LAMA2: variants seen among roughly 807,000 people sequenced by gnomAD.
LAMA2 encodes laminin subunit alpha-2.
In LAMA2, 269 loss-of-function variants were observed where a neutral mutation model predicts 364.8. That is an observed-to-expected ratio of 0.74 (90% CI 0.67 to 0.82). LAMA2 has a LOEUF of 0.82. LAMA2 is among the 40% of genes least tolerant of loss of function. The probability of loss-of-function intolerance (pLI) is 0.00; values close to 1 mark genes in which losing one functional copy is unlikely to be tolerated. For synonymous variants in LAMA2, 1,379 were observed against 1,370.6 expected (o/e 1.01, Z -0.14); for missense variants, 3,807 against 3,873.2 (o/e 0.98, Z 0.45).
intron 1 of LAMA2, among the ~76,000 whole-genome samples, chr6:128,918,355 C>T (rs1778478000): frequency 6.6e-6 from 1 of 152,062 alleles, no homozygotes; most frequent in Non-Finnish European, 1.5e-5. Flanking sequence ...TATATATTTG[C>T]ATGCCATTCA....
At chr6:129,309,931 G>A (rs895591777) in intron 22 of LAMA2, among the ~76,000 whole-genome samples, 2 of 124,402 alleles carry the variant, frequency 1.6e-5, no homozygotes, top group African/African-American at 3.4e-5. Flanking sequence ...ACGGAGTCTC[G>A]CTCTGTCACC....
intron 58 of LAMA2, among the ~76,000 whole-genome samples, chr6:129,496,495 A>G (rs1423487349): frequency 1.3e-5 from 2 of 152,122 alleles, no homozygotes; most frequent in Non-Finnish European, 2.9e-5. Context: ...CATTATAATT[A>G]GTTATGACTG....
At chr6:129,438,622 C>CT (rs753682342) in intron 41 of LAMA2, 24 bp from the exon 42 acceptor site, 101 of 1,182,428 alleles carry the variant, frequency 8.5e-5, no homozygotes, top group African/African-American at 3.2e-4. Flanking sequence ...TTATTTAATC[C>CT]TTTTTTTTGT....
At chr6:129,337,742 A>C (rs375022086) in intron 29 of LAMA2, among the ~76,000 whole-genome samples, 1 of 152,154 alleles carries the variant, frequency 6.6e-6, no homozygotes, top group Admixed American at 6.5e-5. Context: ...GCAAAAAAAA[A>C]CTTAACAAAT....
At chr6:128,983,207 G>C (rs975988008) in intron 1 of LAMA2, among the ~76,000 whole-genome samples, 1 of 152,032 alleles carries the variant, frequency 6.6e-6, no homozygotes, top group Non-Finnish European at 1.5e-5. Context: ...CACAATGGTT[G>C]AACTAGTTTA....
intron 53 of LAMA2, 30 bp downstream of exon 53, chr6:129,475,431 C>A: frequency 6.4e-7 from 1 of 1,551,158 alleles, no homozygotes; most frequent in Non-Finnish European, 8.8e-7. Context: ...ATGCCTTCTT[C>A]GAGTGCATGG....
At chr6:129,181,210 C>T (rs1032915044) in intron 10 of LAMA2, among the ~76,000 whole-genome samples, 20 of 151,968 alleles carry the variant, frequency 1.3e-4, no homozygotes, top group African/African-American at 4.8e-4. Context: ...AAAAATAATA[C>T]AGCCTCAACT....
chr6:129,482,584 C>A (rs1200377887), intron 55 of LAMA2, among the ~76,000 whole-genome samples: 1 of 152,026 alleles, frequency 6.6e-6, no homozygotes, highest in African/African-American at 2.4e-5. Flanking sequence ...TTTGTGATTA[C>A]GTGTTTTAAA....
intron 40 of LAMA2, among the ~76,000 whole-genome samples, chr6:129,411,149 A>G (rs1234465788): frequency 6.6e-6 from 1 of 152,204 alleles, no homozygotes; most frequent in African/African-American, 2.4e-5. Flanking sequence ...ATGGCCAGTC[A>G]AGTTGACACA....
At chr6:129,335,379 G>GATAGATAA (rs1296550901) in intron 29 of LAMA2, among the ~76,000 whole-genome samples, 2 of 151,776 alleles carry the variant, frequency 1.3e-5, no homozygotes, top group Non-Finnish European at 2.9e-5. Context: ...TAGATAGATA[G>GATAGATAA]ATAGATAGAT....
chr6:129,238,161 A>G (rs1659434124), intron 12 of LAMA2, among the ~76,000 whole-genome samples: 1 of 151,214 alleles, frequency 6.6e-6, no homozygotes, highest in Non-Finnish European at 1.5e-5. Context: ...CAACAGAGCA[A>G]GACTCCATCT....
chr6:129,259,308 A>G (rs1336676697), intron 14 of LAMA2, among the ~76,000 whole-genome samples: 5 of 152,086 alleles, frequency 3.3e-5, no homozygotes, highest in Non-Finnish European at 2.9e-5. Flanking sequence ...TTGATTCCCA[A>G]ATCTAACAAG....
chr6:128,904,670 G>A (rs897323772), intron 1 of LAMA2, among the ~76,000 whole-genome samples: 1 of 151,920 alleles, frequency 6.6e-6, no homozygotes, highest in Non-Finnish European at 1.5e-5. Context: ...TGTTGGCCAG[G>A]CTGGTCTCGA....
At position 128,883,235 on chromosome 6, in the gene LAMA2, C is replaced by T; in HGVS notation, c.-11C>T. ...GGCTCCCGAGAAGTGGATCCGGTCG[C>T]GGCCACTACGATGCCGGGAGCCGCC... On this transcript the variant is annotated 5_prime_UTR_variant, in exon 1 of 65. Coordinates refer to ENST00000421865, the MANE Select transcript of LAMA2 (RefSeq NM_000426.4). The T allele has an allele frequency of 1.3e-6, 2 of 1,549,104 alleles. No individual in the cohort carries two copies. Among genetic ancestry groups the T allele is most frequent in the Non-Finnish European group, 1.7e-6 (2 of 1,147,340 alleles).
At chr6:129,100,787 G>A (rs1775476470) in intron 4 of LAMA2, among the ~76,000 whole-genome samples, 1 of 152,178 alleles carries the variant, frequency 6.6e-6, no homozygotes, top group Non-Finnish European at 1.5e-5. Context: ...TCTGGTACTG[G>A]TTCCAGTTAT....
At chr6:129,135,478 TA>T (rs1777737379) in intron 4 of LAMA2, among the ~76,000 whole-genome samples, 1 of 152,236 alleles carries the variant, frequency 6.6e-6, no homozygotes, top group Admixed American at 6.5e-5. Context: ...AGTTCATACA[TA>T]CAGATCACAT....
At chr6:129,019,804 A>T (rs1394160586) in intron 1 of LAMA2, among the ~76,000 whole-genome samples, 2 of 152,112 alleles carry the variant, frequency 1.3e-5, no homozygotes, top group African/African-American at 4.8e-5. Flanking sequence ...GCTCTGTAGC[A>T]GGGCGCAGTG....
intron 37 of LAMA2, among the ~76,000 whole-genome samples, chr6:129,397,077 C>G (rs570007066): frequency 6.6e-6 from 1 of 151,228 alleles, no homozygotes; most frequent in South Asian, 2.1e-4. Flanking sequence ...ATCTACCACA[C>G]CAACACACCA....
chr6:129,227,404 G>T (rs959064638), intron 12 of LAMA2, among the ~76,000 whole-genome samples: 7 of 152,126 alleles, frequency 4.6e-5, no homozygotes, highest in Non-Finnish European at 8.8e-5. Context: ...GAGGAGAGGC[G>T]CTCTGATTTT....
Sources: allele counts gnomAD v4.1 joint callset (sites outside exome capture counted in the v4.1 genomes callset), GRCh38; gene constraint gnomAD v4.1.1; transcripts MANE v1.5; gene names NCBI Gene and HGNC (gene_info 2026-07-23, HGNC 2026-07-21).